Variants in CDH4 observed in about 807,000 individuals in gnomAD.
CDH4 encodes the protein cadherin 4.
Under a neutral mutation model 86.0 loss-of-function variants are expected in CDH4, and 33 were observed. That is an observed-to-expected ratio of 0.38 (90% confidence interval 0.29 to 0.51). The LOEUF (loss-of-function observed/expected upper bound fraction) is 0.51. CDH4 is among the 20% of genes least tolerant of loss of function. The pLI, the probability that CDH4 is intolerant of heterozygous loss-of-function variation, is 0.86. For missense variants in CDH4, 1,114 were observed against 1,307.4 expected (o/e 0.85, Z 2.28); for synonymous variants, 555 against 549.4 (o/e 1.01, Z -0.14).
Position 61,602,694 on chromosome 20 carries a change from T to TAAAA in CDH4, c.170-140846_170-140843dup, listed in dbSNP as rs10641053. On this transcript the variant is annotated intron_variant, in intron 2 of 15. Transcript: ENST00000614565. ...TGCTGGGTTTATACATTCACTTTAT[T>TAAAA]AAAAAAAAAAAAAAAAAAAAAAAAA... is the stretch of plus-strand genomic sequence containing the variant. Among the ~76,000 whole-genome samples the TAAAA allele has an allele frequency of 7.0e-3, 628 of 89,114 alleles. 30 individuals carry two copies. Among genetic ancestry groups the TAAAA allele is most frequent in the African/African-American group, 0.017 (393 of 22,672 alleles). The allele number at this position is 89,114 out of a possible 152,430, so 58.5% of individuals were successfully genotyped here. A position where few individuals can be genotyped will look rare whatever the true frequency, so the allele number is the denominator to read the frequency against.
intron 2 of CDH4, among the ~76,000 whole-genome samples, chr20:61,410,363 G>T (rs1366280710): frequency 6.6e-6 from 1 of 151,832 alleles, no homozygotes; most frequent in East Asian, 1.9e-4. Context: ...TCCTCTCACT[G>T]GCCAATCTAT....
chr20:61,341,103 C>T (rs1427486654), intron 2 of CDH4, among the ~76,000 whole-genome samples: 4 of 152,196 alleles, frequency 2.6e-5, no homozygotes, highest in South Asian at 2.1e-4. Flanking sequence ...TGGCCTTCAC[C>T]GTAAGCTTGC....
Position 61,743,709 on chromosome 20 carries a change from G to T in CDH4, c.316G>T (p.Asp106Tyr). The T allele has an allele frequency of 6.2e-7, 1 of 1,611,078 alleles. No individual in the cohort carries two copies. The highest frequency in any genetic ancestry group is 1.1e-5 in the South Asian group (1 of 90,232). Residue 106 changes from aspartate (D) to tyrosine (Y), a missense_variant, in exon 3 of 16, where the codon GAC becomes TAC. This residue lies in a region of CDH4 where 221 missense variants were observed against 209.5 expected (regional missense o/e 1.05). Coordinates refer to ENST00000614565, the MANE Select transcript of CDH4 (RefSeq NM_001794.5). ...GGTGGCGTTCACGGTGACTGCATGG[G>T]ACAGCCAGACAGCAGAGAAATGGGA... ...EQVAFTVTAW[D>Y]SQTAEKWDAV...
chr20:61,627,160 A>G (rs2086837034), intron 2 of CDH4, among the ~76,000 whole-genome samples: 1 of 152,154 alleles, frequency 6.6e-6, no homozygotes, highest in Non-Finnish European at 1.5e-5. Flanking sequence ...AATTCTGTCT[A>G]GACACAGGTT....
chr20:61,380,592 G>C (rs1034819098), intron 2 of CDH4, among the ~76,000 whole-genome samples: 1 of 144,798 alleles, frequency 6.9e-6, no homozygotes, highest in African/African-American at 2.6e-5. Context: ...AAGTTGCGAT[G>C]ATGAGAAGAT....
intron 2 of CDH4, among the ~76,000 whole-genome samples, chr20:61,306,773 T>C (rs1400808601): frequency 6.6e-6 from 1 of 152,134 alleles, no homozygotes; most frequent in East Asian, 1.9e-4. Flanking sequence ...CACGGTCCAC[T>C]CTCCCTGGTC....
At chr20:61,896,369 G>A (rs1362652348) in intron 8 of CDH4, among the ~76,000 whole-genome samples, 2 of 152,244 alleles carry the variant, frequency 1.3e-5, no homozygotes, top group Non-Finnish European at 1.5e-5. Flanking sequence ...CGGCCGTCCC[G>A]CATCTGGGCC....
intron 2 of CDH4, among the ~76,000 whole-genome samples, chr20:61,507,155 A>G (rs1234378701): frequency 6.6e-6 from 1 of 152,248 alleles, no homozygotes; most frequent in Non-Finnish European, 1.5e-5. Flanking sequence ...CTAAAAATAA[A>G]TACAAATACA....
intron 7 of CDH4, among the ~76,000 whole-genome samples, chr20:61,891,803 C>G (rs1218820691): frequency 6.6e-6 from 1 of 152,210 alleles, no homozygotes; most frequent in Non-Finnish European, 1.5e-5. Flanking sequence ...CCAGCCCTGC[C>G]CTCAGTTCAC....
In CDH4 at chr20:61,672,688, G is replaced by A. The variant is rs369731571; in HGVS notation, c.170-70875G>A. Among the ~76,000 whole-genome samples the A allele has an allele frequency of 2.6e-5, 4 of 152,308 alleles. No individual in the cohort carries two copies. The East Asian group carries it at 7.7e-4, about 29-fold the overall frequency. ...ACAGTGAGGCATCTGCCAAGGGTGG[G>A]AGTTGGTGCTGAGCATCCCTCAGGG... is the stretch of plus-strand genomic sequence containing the variant. On this transcript the variant is annotated intron_variant, in intron 2 of 15. Coordinates refer to ENST00000614565, the MANE Select transcript of CDH4 (RefSeq NM_001794.5).
chr20:61,300,613 G>A (rs192623744), intron 2 of CDH4, among the ~76,000 whole-genome samples: 3 of 152,206 alleles, frequency 2.0e-5, no homozygotes, highest in East Asian at 1.9e-4. Context: ...CCCGTCTCCC[G>A]GGTCTGTGTC....
intron 4 of CDH4, among the ~76,000 whole-genome samples, chr20:61,798,560 G>A (rs1979669125): frequency 6.6e-6 from 1 of 152,336 alleles, no homozygotes; most frequent in Admixed American, 6.5e-5. Flanking sequence ...GCTCTGTGTG[G>A]AGCCACCTGA....
intron 2 of CDH4, among the ~76,000 whole-genome samples, chr20:61,461,287 TA>T (rs2085440707): frequency 1.3e-5 from 2 of 152,042 alleles, no homozygotes; most frequent in South Asian, 2.1e-4. Context: ...TCCCTGCAAT[TA>T]AAAAGGGTAT....
At chr20:61,428,226 C>T (rs6089296) in intron 2 of CDH4, among the ~76,000 whole-genome samples, 4,337 of 152,268 alleles carry the variant, frequency 0.028, 95 homozygotes, top group Non-Finnish European at 0.044. Flanking sequence ...TCGACAGAAA[C>T]ATGCAGCACC....
chr20:61,758,181 G>C (rs962102567), intron 3 of CDH4, among the ~76,000 whole-genome samples: 5 of 152,194 alleles, frequency 3.3e-5, no homozygotes, highest in Non-Finnish European at 7.3e-5. Flanking sequence ...TAGAGGCGCT[G>C]TTTCATCCAG....
intron 2 of CDH4, among the ~76,000 whole-genome samples, chr20:61,540,208 A>T (rs1273073025): frequency 6.6e-6 from 1 of 152,164 alleles, no homozygotes; most frequent in African/African-American, 2.4e-5. Context: ...CGTCGTCTTG[A>T]TCCAATTTTA....
At chr20:61,572,679 C>T (rs1358532436) in intron 2 of CDH4, among the ~76,000 whole-genome samples, 1 of 152,240 alleles carries the variant, frequency 6.6e-6, no homozygotes, top group Non-Finnish European at 1.5e-5. Context: ...CTCCATATTT[C>T]CACCATCTGG....
intron 7 of CDH4, among the ~76,000 whole-genome samples, chr20:61,884,674 G>A (rs796197324): frequency 1.8e-4 from 28 of 152,282 alleles, no homozygotes; most frequent in African/African-American, 5.5e-4. Flanking sequence ...AAGGCTGAAG[G>A]GCTGAGCACC....
chr20:61,618,597 G>A (rs956352734), intron 2 of CDH4, among the ~76,000 whole-genome samples: 3 of 152,138 alleles, frequency 2.0e-5, no homozygotes, highest in Non-Finnish European at 4.4e-5. Context: ...ATCAATGACT[G>A]GAGGTGCATC....
Sources: allele counts gnomAD v4.1 joint callset (sites outside exome capture counted in the v4.1 genomes callset), GRCh38; gene constraint gnomAD v4.1.1; regional missense constraint gnomAD v4.1.1; transcripts MANE v1.5; gene names NCBI Gene and HGNC (gene_info 2026-07-23, HGNC 2026-07-21).